Variants in CERS1 observed in about 807,000 individuals in gnomAD.
CERS1 encodes Embryonic growth/differentiation factor 1.
In CERS1, 16 loss-of-function variants were observed where a neutral mutation model predicts 35.7. The ratio of observed to expected loss-of-function variants is 0.45; its 90% CI spans 0.30 to 0.68. CERS1 has a LOEUF of 0.68. Ranked by LOEUF, CERS1 falls within the 30% of genes least tolerant of loss-of-function variation. The pLI is 0.08. For synonymous variants in CERS1, 243 were observed against 201.6 expected (o/e 1.21, Z -1.74); for missense variants, 454 against 453.9 (o/e 1.00, Z 0.00).
intron 2 of CERS1, among the ~76,000 whole-genome samples, chr19:18,884,880 A>G (rs189217501): frequency 2.0e-5 from 3 of 150,272 alleles, no homozygotes; most frequent in Non-Finnish European, 4.4e-5. Flanking sequence ...TGCCCGGCTA[A>G]TTTTTTTGTA....
Position 18,868,838 on chromosome 19 carries a change from G to C in CERS1, c.*1147C>G. On this transcript the variant is annotated 3_prime_UTR_variant, in exon 8 of 8. Coordinates refer to ENST00000623882, the MANE Select transcript of CERS1 (RefSeq NM_021267.5). Reference sequence around the variant, plus strand: ...CGCGCACTGACCCTGGCAGTAGTTGGCCAGGAAGCCGCGCGGCGCGATGAC... The same window carrying C: ...CGCGCACTGACCCTGGCAGTAGTTGCCCAGGAAGCCGCGCGGCGCGATGAC... 1 of 1,452,844 alleles carries C rather than the reference G, an allele frequency of 6.9e-7. No individual in the cohort carries two copies. 90.0% of individuals were successfully genotyped at this position (1,452,844 alleles called of 1,614,324 possible). A position where few individuals can be genotyped will look rare whatever the true frequency, so the allele number is the denominator to read the frequency against.
chr19:18,870,394 G>C lies in CERS1; in HGVS notation c.*183C>G. Reference sequence around the variant, plus strand: ...TGAGGGCGGGGCCGGTGTCCCCGGAGGGGCAGGGGTCCTGGGGGGCGTGGC... The same window carrying C: ...TGAGGGCGGGGCCGGTGTCCCCGGACGGGCAGGGGTCCTGGGGGGCGTGGC... On this transcript the variant is annotated 3_prime_UTR_variant, in exon 7 of 8. Coordinates refer to ENST00000623882, the MANE Select transcript of CERS1 (RefSeq NM_021267.5). The surrounding 1 kb of genome is among the most constrained non-coding windows in gnomAD (Gnocchi z 5.1). 1 of 1,441,034 alleles carries C rather than the reference G, an allele frequency of 6.9e-7. No homozygotes were observed. The highest frequency in any genetic ancestry group is 9.4e-7 in the Non-Finnish European group (1 of 1,060,772). The allele number at this position is 1,441,034 out of a possible 1,614,324, so 89.3% of individuals were successfully genotyped here. A position where few individuals can be genotyped will look rare whatever the true frequency, so the allele number is the denominator to read the frequency against.
rs1181864793 is a variant in CERS1, at chr19:18,870,604, G to GT, written c.1025dup (p.Asn342LysfsTer473). On this transcript the variant is annotated frameshift_variant, in exon 7 of 8. Coordinates refer to ENST00000623882, the MANE Select transcript of CERS1 (RefSeq NM_021267.5). LOFTEE classifies it high-confidence loss of function. This position sits in a 1 kb window ranked among gnomAD's most constrained non-coding sequence, Gnocchi z 5.1. ...AGAAGCGCTTGTCCTTCACCAGGCC[G>GT]TTCCTCAGTGGCTTCCTGGGGGTCA... 2 of 580,200 alleles carry GT rather than the reference G, an allele frequency of 3.4e-6. No individual in the cohort carries two copies. Among genetic ancestry groups the GT allele is most frequent in the Non-Finnish European group, 6.2e-6 (2 of 320,446 alleles). 35.9% of individuals were successfully genotyped at this position (580,200 alleles called of 1,614,324 possible).
At chr19:18,884,358 T>C in intron 2 of CERS1, 91 bp from the exon 3 acceptor site, 1 of 1,201,464 alleles carries the variant, frequency 8.3e-7, no homozygotes. Flanking sequence ...GCCACACGTG[T>C]CCTCCCAGTA....
chr19:18,872,878 A>C (rs1262227092), intron 6 of CERS1, among the ~76,000 whole-genome samples: 1 of 152,074 alleles, frequency 6.6e-6, no homozygotes, highest in Non-Finnish European at 1.5e-5. Flanking sequence ...CGAACTCCTG[A>C]CCTCAGGTGA....
intron 4 of CERS1, among the ~76,000 whole-genome samples, chr19:18,879,664 C>T (rs1179133468): frequency 2.7e-5 from 4 of 149,390 alleles, no homozygotes; most frequent in African/African-American, 7.4e-5. Flanking sequence ...AGTCCCTCCC[C>T]TTCTCTGCTA....
chr19:18,885,481 G>A (rs2056325486), intron 2 of CERS1, among the ~76,000 whole-genome samples: 1 of 147,778 alleles, frequency 6.8e-6, no homozygotes, highest in Admixed American at 6.8e-5. Flanking sequence ...ACAGGGATGA[G>A]CCACCTCACC....
At position 18,885,687 on chromosome 19, in the gene CERS1, T is replaced by C. The variant is rs529562298; in HGVS notation, c.410-1420A>G. 3.5e-3 allele frequency among the ~76,000 whole-genome samples: 497 copies of C among 140,116 alleles called. 2 individuals are homozygous for C. The Middle Eastern group carries it at 0.04, about 11-fold the overall frequency. 91.9% of individuals were successfully genotyped at this position (140,116 alleles called of 152,430 possible). ...GGCACCCACCACCATGCCTGGCTAATTTTTTTTTTTTTCAGTAGAGACAGG... is the reference window on the plus strand; with the variant it reads ...GGCACCCACCACCATGCCTGGCTAACTTTTTTTTTTTTCAGTAGAGACAGG... On this transcript the variant is annotated intron_variant, in intron 2 of 7. Coordinates refer to ENST00000623882, the MANE Select transcript of CERS1 (RefSeq NM_021267.5).
chr19:18,877,114 C>T (rs2056073103), intron 6 of CERS1, among the ~76,000 whole-genome samples: 1 of 152,240 alleles, frequency 6.6e-6, no homozygotes, highest in Non-Finnish European at 1.5e-5. Context: ...GAATCGAATT[C>T]TGCTGGTGGT....
Position 18,893,485 on chromosome 19 carries a change from TCCAGCTG to T in CERS1, c.333_339del (p.Ser112AlafsTer181). The T allele has an allele frequency of 6.2e-7, 1 of 1,607,962 alleles. No homozygotes were observed. ...CCAAACAGCAGGTAGGCACTGTAGC[TCCAGCTG>T]CCCAGGTAGAAGAGAAACTTCCAAG... On this transcript the variant is annotated frameshift_variant, in exon 2 of 8. Transcript: ENST00000623882. LOFTEE classifies it high-confidence loss of function.
At position 18,868,763 on chromosome 19, in the gene CERS1, G is replaced by T. The variant is rs2055901172; in HGVS notation, c.*1222C>A. The T allele has an allele frequency of 1.3e-6, 2 of 1,487,412 alleles. No individual in the cohort carries two copies. Among genetic ancestry groups the T allele is most frequent in the Non-Finnish European group, 1.8e-6 (2 of 1,112,496 alleles). The allele number at this position is 1,487,412 out of a possible 1,614,324, so 92.1% of individuals were successfully genotyped here. A position where few individuals can be genotyped will look rare whatever the true frequency, so the allele number is the denominator to read the frequency against. ...CGCGTGCATGAGCGCGCGCAGCACA[G>T]CGTGGTTGAGCGCCGGCGGCCCCCC... On this transcript the variant is annotated 3_prime_UTR_variant, in exon 8 of 8. Coordinates refer to ENST00000623882, the MANE Select transcript of CERS1 (RefSeq NM_021267.5).
intron 1 of CERS1, among the ~76,000 whole-genome samples, chr19:18,894,848 T>C (rs1270433775): frequency 6.6e-6 from 1 of 152,060 alleles, no homozygotes; most frequent in Non-Finnish European, 1.5e-5. Flanking sequence ...AAAGGCCCCT[T>C]TGTTGGCGCT....
intron 6 of CERS1, among the ~76,000 whole-genome samples, chr19:18,874,202 T>A (rs1214802165): frequency 2.0e-5 from 3 of 152,172 alleles, no homozygotes; most frequent in Non-Finnish European, 4.4e-5. Context: ...GGCCAGATTA[T>A]CAGTGCAGGA....
At chr19:18,884,397 G>T in intron 2 of CERS1, 130 bp from the exon 3 acceptor site, 1 of 758,400 alleles carries the variant, frequency 1.3e-6, no homozygotes, top group South Asian at 2.3e-5. Context: ...TCTGACTGCT[G>T]GCTTTCCATT....
chr19:18,880,200 C>T lies in CERS1; in HGVS notation c.752+74G>A, dbSNP rs2056168404. On this transcript the variant is annotated intron_variant, in intron 4 of 7. Transcript: ENST00000623882. Reference sequence around the variant, plus strand: ...GGCCCCGCCTCCTTCCCTGCCTGGTCCCGCCCCTTTTCTGGACACACCCAC... The same window carrying T: ...GGCCCCGCCTCCTTCCCTGCCTGGTTCCGCCCCTTTTCTGGACACACCCAC... 3 of 1,434,208 alleles carry T rather than the reference C, an allele frequency of 2.1e-6. No individual in the cohort carries two copies. In the Admixed American group the frequency reaches 6.8e-5, roughly 32 times the overall value. 88.8% of individuals were successfully genotyped at this position (1,434,208 alleles called of 1,614,324 possible). A position where few individuals can be genotyped will look rare whatever the true frequency, so the allele number is the denominator to read the frequency against.
chr19:18,884,310 C>G, intron 2 of CERS1, 43 bp from the exon 3 acceptor site: 1 of 1,555,476 alleles, frequency 6.4e-7, no homozygotes, highest in South Asian at 1.2e-5. Flanking sequence ...TGCGAAGCCT[C>G]TAGACGATCG....
rs2056594387 is a variant in CERS1, at chr19:18,895,174, G to T, written c.249+650C>A. On this transcript the variant is annotated intron_variant, in intron 1 of 7. Coordinates refer to ENST00000623882, the MANE Select transcript of CERS1 (RefSeq NM_021267.5). This position sits in a 1 kb window ranked among gnomAD's most constrained non-coding sequence, Gnocchi z 6.4. ...GCGTGGCCAGAGCACCCAGGCCCTTGCCATCCCTGGTCGGAGGGTGGCGCT... is the reference window on the plus strand; with the variant it reads ...GCGTGGCCAGAGCACCCAGGCCCTTTCCATCCCTGGTCGGAGGGTGGCGCT... Among the ~76,000 whole-genome samples, 1 of 152,228 alleles carries T rather than the reference G, an allele frequency of 6.6e-6. No individual in the cohort carries two copies. The highest frequency in any genetic ancestry group is 1.5e-5 in the Non-Finnish European group (1 of 68,036).
chr19:18,879,071 A>G (rs776874915), intron 5 of CERS1, 32 bp from the exon 6 acceptor site: 1 of 1,609,124 alleles, frequency 6.2e-7, no homozygotes, highest in Admixed American at 1.7e-5. Flanking sequence ...GCCAGTGAGA[A>G]GAAAGCCCCC....
At chr19:18,869,470 A>T in intron 7 of CERS1, 80 bp from the exon 8 acceptor site, 1 of 1,391,658 alleles carries the variant, frequency 7.2e-7, no homozygotes. Context: ...ACAGGGAGGA[A>T]GGTGAACGCT....
Sources: allele counts gnomAD v4.1 joint callset (sites outside exome capture counted in the v4.1 genomes callset), GRCh38; gene constraint gnomAD v4.1.1; non-coding constraint Gnocchi (gnomAD v3.1); transcripts MANE v1.5; gene names NCBI Gene and HGNC (gene_info 2026-07-23, HGNC 2026-07-21).